PTPRD: variants seen among roughly 807,000 people sequenced by gnomAD.
The protein encoded by PTPRD is receptor-type tyrosine-protein phosphatase delta.
PTPRD carries 34 observed loss-of-function variants against 214.5 expected under a neutral mutation model. That is an observed-to-expected ratio of 0.16 (90% CI 0.12 to 0.21). PTPRD has a LOEUF of 0.21. Ranked by LOEUF, PTPRD falls within the 10% of genes least tolerant of loss-of-function variation. The pLI is 1.00. For missense variants in PTPRD, 2,545 were observed against 2,398.7 expected, an observed-to-expected ratio of 1.06 and a Z score of -1.27; for synonymous variants, 1,128 against 845.7, an observed-to-expected ratio of 1.33 and a Z score of -5.79.
intron 5 of PTPRD, among the ~76,000 whole-genome samples, chr9:9,800,125 A>G (rs972940838): frequency 1.3e-5 from 2 of 152,094 alleles, no homozygotes; most frequent in African/African-American, 4.8e-5. Flanking sequence ...ACATTTTGGA[A>G]GTCCTGCATA....
chr9:9,197,821 G>A lies in PTPRD; in HGVS notation c.-202-14458C>T, dbSNP rs114872052. Among the ~76,000 whole-genome samples, 980 of 152,250 alleles carry A rather than the reference G, an allele frequency of 6.4e-3. 10 individuals carry two copies. The highest frequency in any genetic ancestry group is 0.022 in the African/African-American group (902 of 41,550). On this transcript the variant is annotated intron_variant, in intron 9 of 45. Coordinates refer to ENST00000381196, the MANE Select transcript of PTPRD (RefSeq NM_002839.4). ...ATAAATGATTTTTGAAGGAATGAAT[G>A]TTCCCTTTCTGTATTTCTACTTTTT...
intron 5 of PTPRD, among the ~76,000 whole-genome samples, chr9:9,842,582 G>A (rs747690286): frequency 3.3e-5 from 5 of 151,572 alleles, no homozygotes; most frequent in Admixed American, 6.6e-5. Context: ...AACTAGTATC[G>A]TTGTTAAAAC....
chr9:10,154,549 C>T (rs1029964121), intron 3 of PTPRD, among the ~76,000 whole-genome samples: 1 of 152,078 alleles, frequency 6.6e-6, no homozygotes, highest in Non-Finnish European at 1.5e-5. Context: ...TTCCTAAACC[C>T]AGAATGTTAT....
At chr9:9,713,818 A>T (rs1041221184) in intron 7 of PTPRD, among the ~76,000 whole-genome samples, 3 of 152,102 alleles carry the variant, frequency 2.0e-5, no homozygotes, top group African/African-American at 7.2e-5. Flanking sequence ...CTTGTCTCCA[A>T]TGTTACAATT....
At chr9:8,564,761 G>C (rs1010221702) in intron 14 of PTPRD, among the ~76,000 whole-genome samples, 8 of 152,108 alleles carry the variant, frequency 5.3e-5, no homozygotes, top group African/African-American at 1.7e-4. Flanking sequence ...GATTGGACAA[G>C]AATCTCCGGA....
chr9:10,430,027 CT>C (rs1165225311), intron 2 of PTPRD, among the ~76,000 whole-genome samples: 1 of 151,892 alleles, frequency 6.6e-6, no homozygotes, highest in Non-Finnish European at 1.5e-5. Context: ...ATTTGGTACT[CT>C]TTATAAACTT....
At chr9:9,319,737 A>C (rs1389393268) in intron 9 of PTPRD, among the ~76,000 whole-genome samples, 1 of 152,180 alleles carries the variant, frequency 6.6e-6, no homozygotes, top group Non-Finnish European at 1.5e-5. Context: ...TAGTCATCAA[A>C]AGTTTCTTTA....
chr9:9,662,819 A>G (rs113075635), intron 7 of PTPRD, among the ~76,000 whole-genome samples: 5 of 151,682 alleles, frequency 3.3e-5, no homozygotes, highest in African/African-American at 1.2e-4. Context: ...CTTTCACATG[A>G]TGCTCATGTT....
chr9:9,636,692 C>A (rs974987594), intron 7 of PTPRD, among the ~76,000 whole-genome samples: 2 of 152,132 alleles, frequency 1.3e-5, no homozygotes, highest in Non-Finnish European at 2.9e-5. Context: ...GATGACCCAA[C>A]AACAAAAGTG....
Position 9,764,951 on chromosome 9 carries a change from T to G in PTPRD, c.-326+1859A>C, listed in dbSNP as rs139807131. ...GCAGGCTCGAGGTTGAAGCTGCACATCCATGGGAAACTGAGATTATTTGCA... is the reference window on the plus strand; with the variant it reads ...GCAGGCTCGAGGTTGAAGCTGCACAGCCATGGGAAACTGAGATTATTTGCA... On this transcript the variant is annotated intron_variant, in intron 6 of 45. Transcript: ENST00000381196. Among the ~76,000 whole-genome samples, 11 of 152,242 alleles carry G rather than the reference T, an allele frequency of 7.2e-5. No individual in the cohort carries two copies. In the East Asian group the frequency reaches 2.1e-3, roughly 29 times the overall value.
At chr9:10,233,791 A>T (rs951013088) in intron 3 of PTPRD, among the ~76,000 whole-genome samples, 6 of 151,980 alleles carry the variant, frequency 3.9e-5, no homozygotes, top group Non-Finnish European at 8.8e-5. Flanking sequence ...CGCCTGGACT[A>T]TTTTTAAATA....
At chr9:9,091,614 A>T (rs2099776056) in intron 10 of PTPRD, among the ~76,000 whole-genome samples, 1 of 152,174 alleles carries the variant, frequency 6.6e-6, no homozygotes, top group Non-Finnish European at 1.5e-5. Context: ...CACACTCAGT[A>T]AGTATTTGTG....
At chr9:8,376,461 A>G (rs1210878325) in intron 38 of PTPRD, 146 bp downstream of exon 38, 4 of 1,187,232 alleles carry the variant, frequency 3.4e-6, no homozygotes, top group Non-Finnish European at 4.7e-6. Flanking sequence ...AAAATGGCTG[A>G]GTGATAATGG....
intron 7 of PTPRD, among the ~76,000 whole-genome samples, chr9:9,603,505 A>G (rs2093930716): frequency 6.6e-6 from 1 of 152,156 alleles, no homozygotes; most frequent in Non-Finnish European, 1.5e-5. Flanking sequence ...CCTGTCAGGA[A>G]CCAGGCGGCA....
At chr9:8,325,247 C>G (rs919651233) in intron 44 of PTPRD, among the ~76,000 whole-genome samples, 13 of 149,104 alleles carry the variant, frequency 8.7e-5, no homozygotes, top group African/African-American at 3.0e-4. Flanking sequence ...AGGTTTAAGT[C>G]TTTAATCCAT....
chr9:10,472,086 G>C (rs1037123541), intron 2 of PTPRD, among the ~76,000 whole-genome samples: 1 of 151,956 alleles, frequency 6.6e-6, no homozygotes, highest in Non-Finnish European at 1.5e-5. Context: ...GGGCAAGTAA[G>C]AACAAGATAT....
In PTPRD at chr9:8,399,096, C is replaced by CTTTTT. The variant is rs371669292; in HGVS notation, c.4210+5436_4210+5440dup. On this transcript the variant is annotated intron_variant, in intron 36 of 45. Transcript: ENST00000381196. Reference sequence around the variant, plus strand: ...TCCTATTTAGAATAAGCCCACTAAGCTTTTTTTTTTTTTTTTTCCTTGAAG... The same window carrying CTTTTT: ...TCCTATTTAGAATAAGCCCACTAAGCTTTTTTTTTTTTTTTTTTTTTTCCTTGAAG... Among the ~76,000 whole-genome samples the CTTTTT allele has an allele frequency of 1.1e-4, 15 of 137,728 alleles. 1 individual carries two copies. The highest frequency in any genetic ancestry group is 2.2e-4 in the African/African-American group (8 of 37,010). The allele number at this position is 137,728 out of a possible 152,430, so 90.4% of individuals were successfully genotyped here.
intron 10 of PTPRD, among the ~76,000 whole-genome samples, chr9:9,172,977 T>A (rs1445202913): frequency 6.6e-6 from 1 of 152,140 alleles, no homozygotes; most frequent in African/African-American, 2.4e-5. Flanking sequence ...AGAGATCACC[T>A]CACTCAGAAT....
intron 3 of PTPRD, among the ~76,000 whole-genome samples, chr9:10,330,646 TTTGGC>T (rs1347658007): frequency 8.6e-5 from 13 of 151,918 alleles, no homozygotes; most frequent in African/African-American, 3.1e-4. Context: ...TGAAGTAAGA[TTTGGC>T]CACAAGAGAT....
Sources: allele counts gnomAD v4.1 joint callset (sites outside exome capture counted in the v4.1 genomes callset), GRCh38; gene constraint gnomAD v4.1.1; transcripts MANE v1.5; gene names NCBI Gene and HGNC (gene_info 2026-07-23, HGNC 2026-07-21).